Variants in MBD5 observed in about 807,000 individuals in gnomAD.
MBD5 encodes the protein methyl-CpG-binding domain protein 5.
Under a neutral mutation model 117.3 loss-of-function variants are expected in MBD5, and 13 were observed. That is an observed-to-expected ratio of 0.11 (90% CI 0.07 to 0.18). The LOEUF is 0.18. Among genes scored for constraint, MBD5 ranks in the 10% least tolerant of loss-of-function variants. MBD5 has a pLI of 1.00. For synonymous variants in MBD5, 727 were observed against 766.4 expected (o/e 0.95, Z 0.85); for missense variants, 1,879 against 2,093.8 (o/e 0.90, Z 2.00).
chr2:148,128,578 A>G (rs1384343632), intron 1 of MBD5, among the ~76,000 whole-genome samples: 10 of 152,232 alleles, frequency 6.6e-5, no homozygotes, highest in Admixed American at 2.6e-4. Flanking sequence ...ATAAATCTTT[A>G]TATGCACATT....
chr2:148,178,591 C>T (rs1698442565), intron 1 of MBD5, 109 bp from the exon 2 acceptor site: 4 of 384,876 alleles, frequency 1.0e-5, no homozygotes, highest in Non-Finnish European at 1.8e-5. Flanking sequence ...TTTGCCCAGG[C>T]TTATTATATA....
At chr2:148,070,795 A>ATTACACAACAGTCTAGTT (rs1695329680) in intron 1 of MBD5, 1 of 152,296 alleles carries the variant, frequency 6.6e-6, no homozygotes, top group South Asian at 2.1e-4. Flanking sequence ...AGTCTATTTA[A>ATTACACAACAGTCTAGTT]AATGGAAGTG....
intron 11 of MBD5, among the ~76,000 whole-genome samples, chr2:148,492,897 C>T (rs1681573792): frequency 6.6e-6 from 1 of 151,954 alleles, no homozygotes; most frequent in Non-Finnish European, 1.5e-5. Flanking sequence ...TCTAGTAGAA[C>T]ACTTTTTAAA....
intron 1 of MBD5, among the ~76,000 whole-genome samples, chr2:148,041,985 A>G (rs1329102471): frequency 1.3e-5 from 2 of 152,316 alleles, no homozygotes; most frequent in East Asian, 3.9e-4. Context: ...TCTGAGAGAG[A>G]GTGATAAGGA....
chr2:148,308,832 A>G (rs1701960783), intron 3 of MBD5, among the ~76,000 whole-genome samples: 1 of 152,096 alleles, frequency 6.6e-6, no homozygotes, highest in South Asian at 2.1e-4. Flanking sequence ...ATTTTTCTAT[A>G]AAGTGTAAGG....
At chr2:148,314,644 C>T (rs952122284) in intron 3 of MBD5, among the ~76,000 whole-genome samples, 1 of 152,086 alleles carries the variant, frequency 6.6e-6, no homozygotes, top group Non-Finnish European at 1.5e-5. Flanking sequence ...TCCCAAAGTG[C>T]TGGGATTACA....
At chr2:148,127,531 C>T (rs1696931179) in intron 1 of MBD5, among the ~76,000 whole-genome samples, 1 of 152,164 alleles carries the variant, frequency 6.6e-6, no homozygotes, top group African/African-American at 2.4e-5. Context: ...TAACAGCTTC[C>T]AGCTTCATGC....
chr2:148,249,155 G>A (rs920245337), intron 3 of MBD5, among the ~76,000 whole-genome samples: 3 of 152,078 alleles, frequency 2.0e-5, no homozygotes, highest in African/African-American at 7.2e-5. Context: ...TTCATCAAGA[G>A]TCACCTTAAT....
chr2:148,132,226 TA>T (rs1294388353), intron 1 of MBD5, among the ~76,000 whole-genome samples: 1 of 151,818 alleles, frequency 6.6e-6, no homozygotes, highest in Non-Finnish European at 1.5e-5. Context: ...AAGAGAGTTT[TA>T]TATGAACTGT....
At chr2:148,427,457 C>G (rs1418091401) in intron 4 of MBD5, among the ~76,000 whole-genome samples, 1 of 152,094 alleles carries the variant, frequency 6.6e-6, no homozygotes, top group Non-Finnish European at 1.5e-5. Flanking sequence ...TACTATGCAG[C>G]CATAAAAAAT....
chr2:148,480,618 G>A (rs1203669998), intron 8 of MBD5, among the ~76,000 whole-genome samples: 1 of 152,026 alleles, frequency 6.6e-6, no homozygotes, highest in Non-Finnish European at 1.5e-5. Flanking sequence ...AAAAGATGGT[G>A]TCCAAATGGA....
intron 4 of MBD5, among the ~76,000 whole-genome samples, chr2:148,383,371 T>C (rs960413676): frequency 5.9e-5 from 9 of 152,132 alleles, no homozygotes; most frequent in African/African-American, 1.9e-4. Context: ...ATGGATAAAT[T>C]CCTTGACACA....
At chr2:148,150,227 G>A (rs868146045) in intron 1 of MBD5, among the ~76,000 whole-genome samples, 4,975 of 148,106 alleles carry the variant, frequency 0.034, 209 homozygotes, top group African/African-American at 0.1. Flanking sequence ...TTTTTCTCAG[G>A]TTTGTCAAAG....
chr2:148,218,353 A>G (rs778207805), intron 2 of MBD5, among the ~76,000 whole-genome samples: 1 of 152,192 alleles, frequency 6.6e-6, no homozygotes, highest in Non-Finnish European at 1.5e-5. Flanking sequence ...GCAAGGGAAC[A>G]GACTAATCTG....
intron 3 of MBD5, among the ~76,000 whole-genome samples, chr2:148,313,078 G>T (rs1443140727): frequency 6.6e-6 from 1 of 152,126 alleles, no homozygotes; most frequent in Admixed American, 6.5e-5. Flanking sequence ...CCTGTATGGG[G>T]TGTCTGTCGA....
chr2:148,277,859 T>C (rs552047916), intron 3 of MBD5, among the ~76,000 whole-genome samples: 1 of 152,252 alleles, frequency 6.6e-6, no homozygotes, highest in Non-Finnish European at 1.5e-5. Flanking sequence ...TGCTTTTTAT[T>C]GTTTTAACTA....
At chr2:148,142,224 A>G (rs1697337001) in intron 1 of MBD5, among the ~76,000 whole-genome samples, 3 of 152,202 alleles carry the variant, frequency 2.0e-5, no homozygotes, top group Admixed American at 6.5e-5. Flanking sequence ...ACTGAAGGAT[A>G]TGAGTCTGCA....
intron 1 of MBD5, among the ~76,000 whole-genome samples, chr2:148,133,038 C>A (rs2105479948): frequency 6.6e-6 from 1 of 151,954 alleles, no homozygotes; most frequent in Admixed American, 6.5e-5. Flanking sequence ...ATTTGTGTAA[C>A]AAAAACAGCA....
intron 12 of MBD5, among the ~76,000 whole-genome samples, chr2:148,507,617 G>A (rs979105535): frequency 6.6e-6 from 1 of 152,094 alleles, no homozygotes; most frequent in Non-Finnish European, 1.5e-5. Context: ...AAATTAGCCG[G>A]GCGCGGTGGC....
Sources: allele counts gnomAD v4.1 joint callset (sites outside exome capture counted in the v4.1 genomes callset), GRCh38; gene constraint gnomAD v4.1.1; transcripts MANE v1.5; gene names NCBI Gene and HGNC (gene_info 2026-07-23, HGNC 2026-07-21).